UNC93A: variants seen among roughly 807,000 people sequenced by gnomAD.
The protein encoded by UNC93A is N-acetylglucosamine transporter UNC93A.
A neutral mutation model predicts 47.5 loss-of-function variants in UNC93A; 43 were observed. The observed-to-expected ratio is 0.91, with a 90% CI of 0.71 to 1.17. The LOEUF is 1.17. UNC93A is among the 50% of genes most tolerant of loss of function. UNC93A has a pLI of 0.00. For missense variants in UNC93A, 605 were observed against 577.6 expected (o/e 1.05, Z -0.49); for synonymous variants, 280 against 258.0 (o/e 1.09, Z -0.82).
At chr6:167,286,637 T>A (rs1783738574), upstream of UNC93A, among the ~76,000 whole-genome samples, 1 of 152,164 alleles carries the variant, frequency 6.6e-6, no homozygotes, top group African/African-American at 2.4e-5. Flanking sequence ...CATCACTGTA[T>A]CTTTGTCTGT....
At chr6:167,311,362 G>C (rs1778551670) in intron 7 of UNC93A, among the ~76,000 whole-genome samples, 1 of 152,152 alleles carries the variant, frequency 6.6e-6, no homozygotes, top group African/African-American at 2.4e-5. Flanking sequence ...AGGATCCCTG[G>C]CTCACTGTCC....
At chr6:167,296,459 G>A (rs377216145) in intron 3 of UNC93A, among the ~76,000 whole-genome samples, 198 bp downstream of exon 3, 2 of 152,204 alleles carry the variant, frequency 1.3e-5, no homozygotes, top group Non-Finnish European at 2.9e-5. Context: ...ACAGTCGGGT[G>A]GGACTGAAGA....
intron 1 of UNC93A, among the ~76,000 whole-genome samples, chr6:167,284,776 C>T (rs1051486787): frequency 6.6e-6 from 1 of 152,106 alleles, no homozygotes; most frequent in Admixed American, 6.5e-5. Context: ...GGTGCAGACC[C>T]ACAGTCTGGG....
chr6:167,312,919 TG>T (rs1450375890), intron 7 of UNC93A, among the ~76,000 whole-genome samples: 2 of 152,240 alleles, frequency 1.3e-5, no homozygotes, highest in African/African-American at 4.8e-5. Flanking sequence ...TCCCCTAGAC[TG>T]GGCTGATGTC....
At chr6:167,286,051 A>G (rs1169307525) in intron 1 of UNC93A, among the ~76,000 whole-genome samples, 1 of 145,696 alleles carries the variant, frequency 6.9e-6, no homozygotes, top group Non-Finnish European at 1.5e-5. Context: ...GTCTCTATTT[A>G]TATTCACATA....
At chr6:167,308,243 A>T (rs1462621892) in intron 7 of UNC93A, among the ~76,000 whole-genome samples, 1 of 152,064 alleles carries the variant, frequency 6.6e-6, no homozygotes, top group Non-Finnish European at 1.5e-5. Context: ...TTCATGACTG[A>T]AAACCTTTAT....
intron 1 of UNC93A, among the ~76,000 whole-genome samples, chr6:167,277,337 G>A (rs1227242698): frequency 3.9e-5 from 6 of 152,178 alleles, no homozygotes; most frequent in East Asian, 1.9e-4. Context: ...ACCCTTAGCC[G>A]GTGGAGCCTT....
rs149767987 is a variant in UNC93A, at chr6:167,282,447, G to A, written c.-51-8992G>A. Among the ~76,000 whole-genome samples the A allele has an allele frequency of 7.9e-5, 12 of 152,190 alleles. 1 individual carries two copies. The East Asian group carries it at 2.3e-3, about 29-fold the overall frequency. ...TTCCTGGAACAGAAAAAGGTGGGGG[G>A]AGATTTGGGAAAATAAGAAATTGGA... is the stretch of plus-strand genomic sequence containing the variant. On this transcript the variant is annotated intron_variant, in intron 1 of 3. Coordinates refer to the UNC93A transcript ENST00000503433.
chr6:167,302,410 C>A (rs1276855144), intron 4 of UNC93A, among the ~76,000 whole-genome samples: 1 of 152,136 alleles, frequency 6.6e-6, no homozygotes, highest in African/African-American at 2.4e-5. Flanking sequence ...CTGAAAGATT[C>A]TGGCCCAGAG....
rs1330595539 is a variant in UNC93A, at chr6:167,296,050, C to T, written c.288C>T (p.Thr96=). ...CCCACAGGTACACTTTGATCCCCAC[C>T]TCCATACTGCTGGGACTCGGGGCCG... is the stretch of plus-strand genomic sequence containing the variant. ...FFASWYTLIP[T]SILLGLGAAP... Residue 96 remains threonine (T), a synonymous_variant, in exon 3 of 8, where the codon ACC becomes ACT. Transcript: ENST00000230256. The T allele has an allele frequency of 6.2e-7, 1 of 1,614,168 alleles. No homozygotes were observed. Among genetic ancestry groups the T allele is most frequent in the Non-Finnish European group, 8.5e-7 (1 of 1,180,034 alleles).
At chr6:167,299,837 G>A (rs1012489370) in intron 4 of UNC93A, among the ~76,000 whole-genome samples, 2 of 152,210 alleles carry the variant, frequency 1.3e-5, no homozygotes, top group Non-Finnish European at 2.9e-5. Context: ...TGGGGCACAA[G>A]ACTAGCTGTG....
At position 167,296,431 on chromosome 6, in the gene UNC93A, T is replaced by G. The variant is rs549699240; in HGVS notation, c.499+170T>G. Among the ~76,000 whole-genome samples the G allele has an allele frequency of 2.4e-4, 36 of 152,326 alleles. 1 individual carries two copies. The highest frequency in any genetic ancestry group is 8.7e-4 in the African/African-American group (36 of 41,560). ...CCTGCCTGTGCTTCAGAGTTGCCTG[T>G]TACCTGCTGTCTTCTGGACAGTCGG... On this transcript the variant is annotated intron_variant, in intron 3 of 7. Transcript: ENST00000230256.
In UNC93A at chr6:167,291,583, G is replaced by C; in HGVS notation, c.87+7G>C. On this transcript the variant is annotated splice_region_variant and intron_variant, in intron 1 of 7. Coordinates refer to ENST00000230256, the MANE Select transcript of UNC93A (RefSeq NM_018974.4). ...AGGTCTGCAGAGCCTGCAGGTATGT[G>C]TGTCCGGTCATCAAATTACCTGAAC... 4 of 1,602,728 alleles carry C rather than the reference G, an allele frequency of 2.5e-6. No homozygotes were observed. Among genetic ancestry groups the C allele is most frequent in the Non-Finnish European group, 3.4e-6 (4 of 1,175,802 alleles).
intron 5 of UNC93A, among the ~76,000 whole-genome samples, chr6:167,305,505 G>A (rs920063026): frequency 2.0e-5 from 3 of 152,088 alleles, no homozygotes; most frequent in Admixed American, 2.0e-4. Context: ...GGGCTGCTCT[G>A]AGGCCCCGGA....
At chr6:167,298,699 A>C (rs1393437736) in intron 4 of UNC93A, among the ~76,000 whole-genome samples, 1 of 152,150 alleles carries the variant, frequency 6.6e-6, no homozygotes, top group Non-Finnish European at 1.5e-5. Context: ...AGTTCATTTT[A>C]ATAGAGAATG....
intron 2 of UNC93A, 44 bp downstream of exon 2, chr6:167,294,742 C>T: frequency 2.6e-6 from 4 of 1,552,226 alleles, no homozygotes; most frequent in Non-Finnish European, 3.5e-6. Flanking sequence ...CGGCCGTTCC[C>T]CACGCTAGGG....
At chr6:167,283,608 C>G (rs1460090439) in intron 1 of UNC93A, among the ~76,000 whole-genome samples, 1 of 152,100 alleles carries the variant, frequency 6.6e-6, no homozygotes, top group Middle Eastern at 3.2e-3. Flanking sequence ...CTTGTCCTAC[C>G]TCTAAAACAT....
At chr6:167,305,840 AC>A (rs1778370258) in intron 5 of UNC93A, 74 bp from the exon 6 acceptor site, 3 of 1,601,260 alleles carry the variant, frequency 1.9e-6, no homozygotes, top group Non-Finnish European at 2.6e-6. Flanking sequence ...TGTTCTAAGC[AC>A]CCGACTGCAG....
intron 4 of UNC93A, among the ~76,000 whole-genome samples, chr6:167,302,541 C>T (rs1214750120): frequency 6.6e-6 from 1 of 152,204 alleles, no homozygotes; most frequent in East Asian, 1.9e-4. Flanking sequence ...ACGGCACTTA[C>T]AATCATGAGG....
Sources: allele counts gnomAD v4.1 joint callset (sites outside exome capture counted in the v4.1 genomes callset), GRCh38; gene constraint gnomAD v4.1.1; transcripts MANE v1.5; gene names NCBI Gene and HGNC (gene_info 2026-07-23, HGNC 2026-07-21).